Variants in ARHGEF3 observed in about 807,000 individuals in gnomAD.
ARHGEF3 encodes 59.8 kDA protein.
Under a neutral mutation model 63.2 loss-of-function variants are expected in ARHGEF3, and 28 were observed. The ratio of observed to expected loss-of-function variants is 0.44; its 90% CI spans 0.33 to 0.61. ARHGEF3 has a LOEUF of 0.61. Ranked by LOEUF, ARHGEF3 falls within the 20% of genes least tolerant of loss-of-function variation. ARHGEF3 has a pLI of 0.03. For synonymous variants in ARHGEF3, 266 were observed against 254.2 expected (o/e 1.05, Z -0.44); for missense variants, 533 against 659.3 (o/e 0.81, Z 2.10).
chr3:56,922,940 CT>C lies in ARHGEF3; in HGVS notation c.129+35882del, dbSNP rs535857459. On this transcript the variant is annotated intron_variant, in intron 3 of 12. Coordinates refer to the ARHGEF3 transcript ENST00000338458. ...GTGGCTCACGCCTGTAATCCCAACA[CT>C]TTGGGAAGCGTAGGCGGAAGGATCA... 2.1e-4 allele frequency among the ~76,000 whole-genome samples: 32 copies of C among 151,144 alleles called. No homozygotes were observed. The South Asian group carries it at 6.7e-3, about 32-fold the overall frequency.
chr3:56,745,211 T>A lies in ARHGEF3; in HGVS notation c.864A>T (p.Glu288Asp). 1 of 1,611,862 alleles carries A rather than the reference T, an allele frequency of 6.2e-7. No individual in the cohort carries two copies. The highest frequency in any genetic ancestry group is 8.5e-7 in the Non-Finnish European group (1 of 1,178,512). The change falls in exon 7 of 10, where the codon GAA (glutamate) becomes GAT (aspartate). Residue 288 changes from glutamate to aspartate, a missense_variant. Coordinates refer to ENST00000296315, the MANE Select transcript of ARHGEF3 (RefSeq NM_019555.3). ...AGGAAACAGACAAACTTACAGCTTC[T>A]TCCAAGTGCTGCTGATCTGGATTAT... ...PNDNPDQQHL[E>D]EAINIIQGIV...
chr3:56,882,412 A>G, intron 3 of ARHGEF3: 1 of 1,455,542 alleles, frequency 6.9e-7, no homozygotes, highest in South Asian at 1.2e-5. Context: ...GGCTTTGATT[A>G]AGGCAAGAAA....
chr3:56,801,585 G>A (rs1181130518), intron 1 of ARHGEF3, 118 bp downstream of exon 1: 10 of 1,326,388 alleles, frequency 7.5e-6, no homozygotes, highest in South Asian at 1.4e-5. Flanking sequence ...TGGCACACAC[G>A]GAGAGTGAGA....
At chr3:56,766,509 G>C (rs1345248648) in intron 2 of ARHGEF3, among the ~76,000 whole-genome samples, 1 of 152,218 alleles carries the variant, frequency 6.6e-6, no homozygotes, top group South Asian at 2.1e-4. Context: ...AGCAGCAATG[G>C]CTGCCTTTTC....
intron 2 of ARHGEF3, among the ~76,000 whole-genome samples, chr3:56,978,665 C>T (rs1342508022): frequency 6.6e-6 from 1 of 152,196 alleles, no homozygotes; most frequent in East Asian, 1.9e-4. Flanking sequence ...TATATATTGA[C>T]GTGAAATTTC....
Position 56,751,090 on chromosome 3 carries a change from G to A in ARHGEF3, c.578C>T (p.Ser193Leu), listed in dbSNP as rs915595115. ...QLRDVRKPDG[S>L]TEHVGPILVG... ...GAGGATGGGACCAACATGTTCAGTCGAGCCATCAGGCTTCCTAACATCTCG... is the reference window on the plus strand; with the variant it reads ...GAGGATGGGACCAACATGTTCAGTCAAGCCATCAGGCTTCCTAACATCTCG... The change falls in exon 6 of 10, where the codon TCG becomes TTG. Residue 193 changes from serine to leucine, a missense_variant. Coordinates refer to ENST00000296315, the MANE Select transcript of ARHGEF3 (RefSeq NM_019555.3). The A allele has an allele frequency of 2.5e-5, 40 of 1,613,926 alleles. No individual in the cohort carries two copies. Among genetic ancestry groups the A allele is most frequent in the South Asian group, 3.3e-5 (3 of 91,074 alleles).
In ARHGEF3 at chr3:56,801,710, T is replaced by A; in HGVS notation, c.89A>T (p.Asp30Val). The A allele has an allele frequency of 6.4e-7, 1 of 1,558,756 alleles. No homozygotes were observed. Among genetic ancestry groups the A allele is most frequent in the Non-Finnish European group, 8.7e-7 (1 of 1,150,250 alleles). The change falls in exon 1 of 10, where the codon GAC (aspartate) becomes GTC (valine). Residue 30 changes from aspartate to valine, a missense_variant. Physicochemically the swap from Asp to Val is radical, Grantham distance 152. Around this residue, in one of 4 missense-constraint regions of ARHGEF3, gnomAD observed 160 missense variants for 157.3 expected, o/e 1.02. Transcript: ENST00000296315. ...TGCAGGGCGCGGCCCTACCTCAGCGTCCTTGGCCGGACCGCTGGCCGGGGG... is the reference window on the plus strand; with the variant it reads ...TGCAGGGCGCGGCCCTACCTCAGCGACCTTGGCCGGACCGCTGGCCGGGGG... ...ELPPASGPAK[D>V]AEEPSNKRVK...
chr3:56,913,912 C>T (rs375575521), intron 3 of ARHGEF3, among the ~76,000 whole-genome samples: 9 of 152,070 alleles, frequency 5.9e-5, no homozygotes, highest in African/African-American at 1.2e-4. Flanking sequence ...ATAAATAAAC[C>T]GTGGTATATT....
In ARHGEF3 at chr3:56,755,137, G is replaced by A; in HGVS notation, c.219C>T (p.Phe73=). The change falls in exon 3 of 10, where the codon TTC becomes TTT. Residue 73 remains phenylalanine (F), a synonymous_variant. Transcript: ENST00000296315. ...FSQTLQRSIS[F]RSESRPDILA... is the part of the protein sequence containing the mutation. ...GGATGTCAGGGCGGCTCTCACTGCG[G>A]AAGCTAATGGAGCGCTAAACAATGA... The A allele has an allele frequency of 6.2e-7, 1 of 1,613,630 alleles. No homozygotes were observed. Among genetic ancestry groups the A allele is most frequent in the Non-Finnish European group, 8.5e-7 (1 of 1,180,018 alleles).
chr3:56,766,984 C>G (rs777800019), intron 2 of ARHGEF3, among the ~76,000 whole-genome samples: 1 of 152,140 alleles, frequency 6.6e-6, no homozygotes, highest in African/African-American at 2.4e-5. Flanking sequence ...ACTGTACATT[C>G]TTTTGATGAA....
At chr3:56,936,470 G>A (rs1698908272) in intron 3 of ARHGEF3, among the ~76,000 whole-genome samples, 1 of 152,180 alleles carries the variant, frequency 6.6e-6, no homozygotes, top group Non-Finnish European at 1.5e-5. Flanking sequence ...CAGGGTCTGA[G>A]CTCTCATCAG....
intron 1 of ARHGEF3, chr3:56,774,966 C>T (rs1465187479): frequency 7.0e-7 from 1 of 1,429,150 alleles, no homozygotes; most frequent in Non-Finnish European, 9.4e-7. Context: ...TGATGATAGA[C>T]AAAACATTTT....
chr3:57,015,716 A>G (rs777218916), intron 2 of ARHGEF3, among the ~76,000 whole-genome samples: 1 of 151,118 alleles, frequency 6.6e-6, no homozygotes, highest in Admixed American at 6.6e-5. Context: ...TGCTGGGATT[A>G]TAGGCGTGAG....
intron 3 of ARHGEF3, among the ~76,000 whole-genome samples, chr3:56,927,682 G>A (rs2042309956): frequency 6.6e-6 from 1 of 152,080 alleles, no homozygotes; most frequent in Admixed American, 6.6e-5. Flanking sequence ...TACCTACCAT[G>A]GACCACAGAG....
At position 57,007,033 on chromosome 3, in the gene ARHGEF3, G is replaced by A. The variant is rs898902045; in HGVS notation, c.62+28055C>T. On this transcript the variant is annotated intron_variant, in intron 2 of 12. Coordinates refer to the ARHGEF3 transcript ENST00000338458. ...GAGGGGCCACAGGGGGCGCTCCTGG[G>A]GCGATGGTCACACTGTGCTCCTCAC... 8 of 651,484 alleles carry A rather than the reference G, an allele frequency of 1.2e-5. No homozygotes were observed. The African/African-American group carries it at 1.6e-4, about 13-fold the overall frequency. The allele number at this position is 651,484 out of a possible 1,614,324, so 40.4% of individuals were successfully genotyped here. A position where few individuals can be genotyped will look rare whatever the true frequency, so the allele number is the denominator to read the frequency against.
intron 3 of ARHGEF3, among the ~76,000 whole-genome samples, chr3:56,955,056 G>A (rs1221262218): frequency 3.3e-5 from 5 of 151,996 alleles, no homozygotes; most frequent in East Asian, 1.9e-4. Flanking sequence ...CTCTCCTCGA[G>A]AGCAATATGG....
At chr3:56,882,668 G>C (rs375454624) in intron 3 of ARHGEF3, among the ~76,000 whole-genome samples, 1 of 151,648 alleles carries the variant, frequency 6.6e-6, no homozygotes, top group Non-Finnish European at 1.5e-5. Context: ...ATAGGCACAC[G>C]CCACCACGCC....
At chr3:56,881,063 A>G (rs1358655532) in intron 4 of ARHGEF3, among the ~76,000 whole-genome samples, 1 of 152,228 alleles carries the variant, frequency 6.6e-6, no homozygotes, top group African/African-American at 2.4e-5. Context: ...TTGGTAAATA[A>G]TGTTATCAGT....
At chr3:57,027,186 A>G (rs548492339) in intron 2 of ARHGEF3, among the ~76,000 whole-genome samples, 1 of 152,304 alleles carries the variant, frequency 6.6e-6, no homozygotes, top group African/African-American at 2.4e-5. Flanking sequence ...TAACTCTACA[A>G]ACTAAGTACC....
Sources: allele counts gnomAD v4.1 joint callset (sites outside exome capture counted in the v4.1 genomes callset), GRCh38; gene constraint gnomAD v4.1.1; regional missense constraint gnomAD v4.1.1; transcripts MANE v1.5; gene names NCBI Gene and HGNC (gene_info 2026-07-23, HGNC 2026-07-21).